Variants in NDC80 observed in about 807,000 individuals in gnomAD.
NDC80 encodes NDC80 kinetochore complex component.
NDC80 carries 69 observed loss-of-function variants against 89.3 expected under a neutral mutation model. The ratio of observed to expected loss-of-function variants is 0.77; its 90% confidence interval spans 0.64 to 0.94. The LOEUF (loss-of-function observed/expected upper bound fraction) is 0.94, where lower values mean the gene tolerates loss of function less well. Ranked by LOEUF, NDC80 falls within the 40% of genes least tolerant of loss-of-function variation. NDC80 has a pLI of 0.00. For synonymous variants in NDC80, 243 were observed against 255.6 expected (o/e 0.95, Z 0.47); for missense variants, 593 against 739.6 (o/e 0.80, Z 2.30).
At chr18:2,579,459 G>A (rs748769375) in intron 6 of NDC80, among the ~76,000 whole-genome samples, 11 of 152,030 alleles carry the variant, frequency 7.2e-5, no homozygotes, top group Admixed American at 2.0e-4. Context: ...AGGGAGTCTC[G>A]CTGTGTTGCC....
intron 16 of NDC80, among the ~76,000 whole-genome samples, 158 bp from the exon 17 acceptor site, chr18:2,616,279 C>T (rs1417738307): frequency 6.6e-6 from 1 of 152,178 alleles, no homozygotes; most frequent in African/African-American, 2.4e-5. Flanking sequence ...CCCACCTCAG[C>T]CTCATAAAGT....
chr18:2,601,472 A>G lies in NDC80; in HGVS notation c.1451A>G (p.Asp484Gly). Residue 484 changes from aspartate (D) to glycine (G), a missense_variant, in exon 13 of 17, where the codon GAT becomes GGT. Asp to Gly is a moderately conservative substitution (Grantham distance 94). Transcript: ENST00000261597. ...KALNKKMGLE[D>G]TLEQLNAMIT... ...CTAAATAAAAAAATGGGTTTGGAGG[A>G]TACTTTAGAACAAGTAAGTAATAAA... 1 of 1,433,600 alleles carries G rather than the reference A, an allele frequency of 7.0e-7. No homozygotes were observed. Among genetic ancestry groups the G allele is most frequent in the Non-Finnish European group, 9.5e-7 (1 of 1,051,514 alleles). The allele number at this position is 1,433,600 out of a possible 1,614,324, so 88.8% of individuals were successfully genotyped here.
chr18:2,575,060 G>T lies in NDC80; in HGVS notation c.173G>T (p.Gly58Val). Reference protein sequence around the residue: ...PTSERKVSLFGKRTSGHGSRN... With the variant: ...PTSERKVSLFVKRTSGHGSRN... ...TCTGAAAGAAAAGTCTCGCTATTTG[G>T]CAAAAGGTAATTATATTTTTCATTA... Residue 58 changes from glycine to valine, a missense_variant, in exon 3 of 17, where the codon GGC becomes GTC. Transcript: ENST00000261597. The T allele has an allele frequency of 6.2e-7, 1 of 1,605,786 alleles. No individual in the cohort carries two copies. The highest frequency in any genetic ancestry group is 1.1e-5 in the South Asian group (1 of 90,174).
chr18:2,579,485 T>C (rs1194394951), intron 6 of NDC80, among the ~76,000 whole-genome samples: 4 of 152,266 alleles, frequency 2.6e-5, no homozygotes, highest in Non-Finnish European at 5.9e-5. Context: ...TGGAGTGCGG[T>C]GGCATGATCT....
At chr18:2,577,077 G>A (rs1471640130) in intron 3 of NDC80, among the ~76,000 whole-genome samples, 1 of 152,150 alleles carries the variant, frequency 6.6e-6, no homozygotes, top group African/African-American at 2.4e-5. Flanking sequence ...CTAAACTTTA[G>A]AGATGATAGT....
At chr18:2,575,537 G>A (rs992163246) in intron 3 of NDC80, among the ~76,000 whole-genome samples, 3 of 152,142 alleles carry the variant, frequency 2.0e-5, no homozygotes, top group Non-Finnish European at 4.4e-5. Flanking sequence ...AGGCTGAGAT[G>A]GGAGGCTGAG....
At chr18:2,585,265 A>G in intron 7 of NDC80, 63 bp downstream of exon 7, 10 of 1,259,970 alleles carry the variant, frequency 7.9e-6, no homozygotes, top group Non-Finnish European at 1.2e-5. Flanking sequence ...TCACTATTGG[A>G]TTTAATACAG....
At chr18:2,582,270 T>C (rs974186903) in intron 6 of NDC80, 1 of 152,186 alleles carries the variant, frequency 6.6e-6, no homozygotes, top group Non-Finnish European at 1.5e-5. Context: ...AGAGACAGCG[T>C]GTCACCATGT....
At chr18:2,574,888 T>C (rs1444710956) in intron 2 of NDC80, 101 bp from the exon 3 acceptor site, 2 of 715,266 alleles carry the variant, frequency 2.8e-6, no homozygotes, top group African/African-American at 1.8e-5. Flanking sequence ...ATTATTTTTA[T>C]AGCTAGTGGG....
At chr18:2,579,386 T>A (rs2072564605) in intron 6 of NDC80, among the ~76,000 whole-genome samples, 4 of 152,200 alleles carry the variant, frequency 2.6e-5, no homozygotes, top group Non-Finnish European at 5.9e-5. Flanking sequence ...ATCTCCAAAC[T>A]CAGACAATAA....
At chr18:2,585,277 T>C (rs1567999454) in intron 7 of NDC80, 75 bp downstream of exon 7, 3 of 1,136,570 alleles carry the variant, frequency 2.6e-6, no homozygotes, top group Admixed American at 1.8e-5. Flanking sequence ...TTAATACAGA[T>C]GCCCCTCGAC....
chr18:2,613,416 C>T (rs185241410), intron 16 of NDC80, among the ~76,000 whole-genome samples: 23 of 152,146 alleles, frequency 1.5e-4, no homozygotes, highest in Non-Finnish European at 2.5e-4. Context: ...ATAACTAGCA[C>T]ATTGTAGTAT....
chr18:2,594,721 T>G lies in NDC80; in HGVS notation c.1016-695T>G, dbSNP rs565022354. 4 of 152,596 alleles carry G rather than the reference T, an allele frequency of 2.6e-5. No homozygotes were observed. The East Asian group carries it at 7.7e-4, about 29-fold the overall frequency. The allele number at this position is 152,596 out of a possible 1,614,324, so 9.5% of individuals were successfully genotyped here. ...ACTTTCTGAAATAGACTGCCTTATG[T>G]GCTTTAATCTGGGCTTTTCACACCT... On this transcript the variant is annotated intron_variant, in intron 10 of 16. Transcript: ENST00000261597.
chr18:2,589,427 A>G, intron 9 of NDC80, 117 bp downstream of exon 9: 1 of 712,168 alleles, frequency 1.4e-6, no homozygotes, highest in Non-Finnish European at 2.4e-6. Context: ...AAGCTTCTTA[A>G]AAGTTAAATT....
At chr18:2,573,110 A>G in intron 2 of NDC80, 24 bp downstream of exon 2, 1 of 1,559,910 alleles carries the variant, frequency 6.4e-7, no homozygotes. Context: ...TTGTGGTTCT[A>G]ATTTGCATGC....
chr18:2,577,807 A>T lies in NDC80; in HGVS notation c.241A>T (p.Lys81Ter). 1 of 1,614,168 alleles carries T rather than the reference A, an allele frequency of 6.2e-7. No individual in the cohort carries two copies. The change falls in exon 4 of 17, where the codon AAG (lysine) becomes TAG (stop). Residue 81 changes from lysine to a stop codon, truncating the protein, a stop_gained. Coordinates refer to ENST00000261597, the MANE Select transcript of NDC80 (RefSeq NM_006101.3). LOFTEE classifies it high-confidence loss of function. Reference protein sequence around the residue: ...LGIFSSSEKIKDPRPLNDKAF... With the variant: ...LGIFSSSEKI ...TATATTTTCCAGTTCTGAGAAAATC[A>T]AGGACCCGAGACCACTTAATGACAA...
chr18:2,593,663 G>A (rs7233405), intron 10 of NDC80: 30,506 of 173,510 alleles, frequency 0.18, 3,209 homozygotes, highest in South Asian at 0.28. Context: ...TTTAGTAGAC[G>A]AAATCTCTCA....
chr18:2,609,924 C>G (rs960901206), intron 15 of NDC80, among the ~76,000 whole-genome samples: 2 of 152,184 alleles, frequency 1.3e-5, no homozygotes, highest in East Asian at 3.9e-4. Context: ...TGAAATTTGC[C>G]AGATTGCGCT....
At chr18:2,595,250 G>A in intron 10 of NDC80, among the ~76,000 whole-genome samples, 166 bp from the exon 11 acceptor site, 1 of 130,976 alleles carries the variant, frequency 7.6e-6, no homozygotes, top group Non-Finnish European at 1.6e-5. Context: ...TATGAGACTT[G>A]GAAATTTTTA....
Sources: allele counts gnomAD v4.1 joint callset (sites outside exome capture counted in the v4.1 genomes callset), GRCh38; gene constraint gnomAD v4.1.1; transcripts MANE v1.5; gene names NCBI Gene and HGNC (gene_info 2026-07-23, HGNC 2026-07-21).